Variants in DENND2B observed in about 807,000 individuals in gnomAD.
The protein encoded by DENND2B is DENN domain-containing protein 2B.
In DENND2B, 32 loss-of-function variants were observed where a neutral mutation model predicts 116.0. That is an observed-to-expected ratio of 0.28 (90% CI 0.21 to 0.37). The LOEUF is 0.37. Ranked by LOEUF, DENND2B falls within the 10% of genes least tolerant of loss-of-function variation. The pLI is 1.00. For synonymous variants in DENND2B, 588 were observed against 583.9 expected (o/e 1.01, Z -0.10); for missense variants, 1,276 against 1,477.7 (o/e 0.86, Z 2.24).
intron 4 of DENND2B, among the ~76,000 whole-genome samples, chr11:8,817,772 G>C (rs1198305768): frequency 6.6e-6 from 1 of 152,016 alleles, no homozygotes; most frequent in Non-Finnish European, 1.5e-5. Context: ...TCAGTTTCTT[G>C]GAGTCTCTGT....
At chr11:8,835,397 A>G (rs1464505314) in intron 4 of DENND2B, among the ~76,000 whole-genome samples, 2 of 152,252 alleles carry the variant, frequency 1.3e-5, no homozygotes, top group Non-Finnish European at 2.9e-5. Flanking sequence ...GTCTACTTTC[A>G]TTCCCAAATG....
At chr11:8,715,579 G>A (rs1215198969) in intron 6 of DENND2B, 24 bp downstream of exon 6, 2 of 1,609,444 alleles carry the variant, frequency 1.2e-6, no homozygotes, top group African/African-American at 1.3e-5. Context: ...CCCGGCTCCA[G>A]TGGGCTGCCT....
At chr11:8,861,132 A>G (rs118123349) in intron 2 of DENND2B, among the ~76,000 whole-genome samples, 104 of 152,318 alleles carry the variant, frequency 6.8e-4, no homozygotes, top group Non-Finnish European at 1.3e-3. Flanking sequence ...TGAGACAAAG[A>G]ATTTATGACT....
At chr11:8,811,900 C>G (rs536300554), upstream of DENND2B, among the ~76,000 whole-genome samples, 8 of 151,814 alleles carry the variant, frequency 5.3e-5, no homozygotes, top group Non-Finnish European at 1.2e-4. Context: ...CGCCTGGCTA[C>G]TTTTTTAATT....
intron 13 of DENND2B, among the ~76,000 whole-genome samples, chr11:8,704,092 C>G (rs897788518): frequency 3.3e-5 from 5 of 152,218 alleles, no homozygotes; most frequent in African/African-American, 1.2e-4. Context: ...TTCACACAGG[C>G]TGCTCCCACT....
chr11:8,786,927 T>C (rs972403088), intron 1 of DENND2B: 6 of 152,248 alleles, frequency 3.9e-5, no homozygotes, highest in Admixed American at 2.6e-4. Context: ...AACATGACTA[T>C]GGCCTCTCTT....
At position 8,702,540 on chromosome 11, in the gene DENND2B, C is replaced by T. The variant is rs2041897358; in HGVS notation, c.2720+32G>A. ...CGCTTGTGGGTGTGCCTTCCCCCCT[C>T]CCTTCTGCTTTCTTGCCCGGCTGGG... On this transcript the variant is annotated intron_variant, in intron 14 of 19. Coordinates refer to ENST00000313726, the MANE Select transcript of DENND2B (RefSeq NM_213618.2). The surrounding 1 kb of genome is among the most constrained non-coding windows in gnomAD (Gnocchi z 4.6). 1 of 1,607,208 alleles carries T rather than the reference C, an allele frequency of 6.2e-7. No homozygotes were observed. The highest frequency in any genetic ancestry group is 1.3e-5 in the African/African-American group (1 of 74,924).
At chr11:8,757,292 C>T (rs1247366606) in intron 1 of DENND2B, 1 of 360,624 alleles carries the variant, frequency 2.8e-6, no homozygotes, top group African/African-American at 2.1e-5. Context: ...TTCCAGATCA[C>T]ACTTCCCTAG....
chr11:8,806,523 C>T (rs2060848829), intron 1 of DENND2B, among the ~76,000 whole-genome samples: 1 of 149,488 alleles, frequency 6.7e-6, no homozygotes. Flanking sequence ...ACATCAGAGC[C>T]AAAAAAATAA....
intron 1 of DENND2B, among the ~76,000 whole-genome samples, chr11:8,781,431 A>G (rs548178821): frequency 2.6e-5 from 4 of 152,232 alleles, no homozygotes; most frequent in Admixed American, 1.3e-4. Context: ...TGGCTATAAC[A>G]AAGAGGTAGG....
At chr11:8,854,913 T>C (rs561551817) in intron 3 of DENND2B, among the ~76,000 whole-genome samples, 1 of 152,270 alleles carries the variant, frequency 6.6e-6, no homozygotes, top group South Asian at 2.1e-4. Flanking sequence ...GGTTTTGCCA[T>C]GTTGGTCAGA....
chr11:8,803,021 T>C (rs536055151), intron 1 of DENND2B, among the ~76,000 whole-genome samples: 5 of 152,328 alleles, frequency 3.3e-5, no homozygotes, highest in African/African-American at 9.6e-5. Context: ...ATAAAAAGTA[T>C]AAAATATTAT....
intron 3 of DENND2B, among the ~76,000 whole-genome samples, chr11:8,840,365 T>C (rs1468272870): frequency 3.9e-5 from 6 of 152,070 alleles, no homozygotes; most frequent in African/African-American, 1.2e-4. Flanking sequence ...ATTCTGCTGC[T>C]TGGAGGAAAA....
At chr11:8,710,767 A>G (rs1195953462) in intron 11 of DENND2B, 78 bp downstream of exon 11, 3 of 1,198,194 alleles carry the variant, frequency 2.5e-6, no homozygotes, top group Admixed American at 1.8e-5. Flanking sequence ...ACACACACAC[A>G]CACACACACA....
intron 4 of DENND2B, chr11:8,830,843 G>A (rs114408038): frequency 0.011 from 1,616 of 152,350 alleles, 37 homozygotes; most frequent in African/African-American, 0.038. Flanking sequence ...GTTCTGATCC[G>A]CCCGTGTGAT....
chr11:8,696,716 C>G, intron 17 of DENND2B, 50 bp from the exon 18 acceptor site: 1 of 1,599,226 alleles, frequency 6.3e-7, no homozygotes, highest in Non-Finnish European at 8.5e-7. Flanking sequence ...GCCTGCAAAG[C>G]CTTCCTCAAT....
chr11:8,840,136 T>C (rs911652190), intron 3 of DENND2B, among the ~76,000 whole-genome samples: 3 of 151,890 alleles, frequency 2.0e-5, no homozygotes, highest in Admixed American at 6.5e-5. Flanking sequence ...ATGAGACTAA[T>C]GTAAACAGGC....
At chr11:8,734,160 G>C (rs2048574437) in intron 2 of DENND2B, among the ~76,000 whole-genome samples, 1 of 152,188 alleles carries the variant, frequency 6.6e-6, no homozygotes, top group South Asian at 2.1e-4. Context: ...AGAATTCTCT[G>C]TTATCTGTCT....
In DENND2B at chr11:8,707,365, T is replaced by C; in HGVS notation, c.2431-140A>G. ...ACGGGAAGGTGGTCTTGCCATGATC[T>C]GCACACTCTACCCTTCCCGTTTTCC... On this transcript the variant is annotated intron_variant, in intron 12 of 19. Transcript: ENST00000313726. The surrounding 1 kb of genome is among the most constrained non-coding windows in gnomAD (Gnocchi z 4.8). 9.0e-7 allele frequency: 1 copy of C among 1,116,148 alleles called. No homozygotes were observed. The highest frequency in any genetic ancestry group is 1.6e-5 in the African/African-American group (1 of 63,714). 69.1% of individuals were successfully genotyped at this position (1,116,148 alleles called of 1,614,324 possible).
Sources: allele counts gnomAD v4.1 joint callset (sites outside exome capture counted in the v4.1 genomes callset), GRCh38; gene constraint gnomAD v4.1.1; non-coding constraint Gnocchi (gnomAD v3.1); transcripts MANE v1.5; gene names NCBI Gene and HGNC (gene_info 2026-07-23, HGNC 2026-07-21).